STAG3: variants seen among roughly 807,000 people sequenced by gnomAD.
The protein encoded by STAG3 is STAG3 cohesin complex component, also known as cohesin subunit SA-3.
In STAG3, 101 loss-of-function variants were observed where a neutral mutation model predicts 160.7. That is an observed-to-expected ratio of 0.63 (90% CI 0.54 to 0.74). STAG3 has a LOEUF of 0.74. STAG3 is among the 30% of genes least tolerant of loss of function. STAG3 has a pLI of 0.00. For synonymous variants in STAG3, 519 were observed against 585.0 expected, an observed-to-expected ratio of 0.89 and a Z score of 1.63; for missense variants, 1,188 against 1,517.4, an observed-to-expected ratio of 0.78 and a Z score of 3.61.
downstream of STAG3, among the ~76,000 whole-genome samples, chr7:100,217,824 TCTG>T (rs2117660558): frequency 6.6e-6 from 1 of 152,180 alleles, no homozygotes; most frequent in South Asian, 2.1e-4. Context: ...TTTCACTAAT[TCTG>T]CTACTGCCAT....
chr7:100,208,117 GA>G lies in STAG3; in HGVS notation c.3238+2746del, dbSNP rs766770329. Among the ~76,000 whole-genome samples the G allele has an allele frequency of 2.6e-3, 366 of 142,046 alleles. 1 individual carries two copies. Among genetic ancestry groups the G allele is most frequent in the African/African-American group, 6.7e-3 (262 of 38,940 alleles). The allele number at this position is 142,046 out of a possible 152,430, so 93.2% of individuals were successfully genotyped here. A position where few individuals can be genotyped will look rare whatever the true frequency, so the allele number is the denominator to read the frequency against. ...GGCGAAAGAGCGAGATACTGTCTCA[GA>G]AAAAAAAAAAAAGTTATAGTTTTAG... is the stretch of plus-strand genomic sequence containing the variant. On this transcript the variant is annotated intron_variant, in intron 29 of 33. Transcript: ENST00000615138.
chr7:100,210,929 C>A, intron 29 of STAG3, 82 bp from the exon 30 acceptor site: 1 of 1,452,126 alleles, frequency 6.9e-7, no homozygotes, highest in Non-Finnish European at 9.3e-7. Context: ...CTTTCCCTTA[C>A]TAAATCCTGG....
At chr7:100,215,603 A>G (rs568229029), downstream of STAG3, among the ~76,000 whole-genome samples, 9 of 152,286 alleles carry the variant, frequency 5.9e-5, no homozygotes, top group African/African-American at 1.7e-4. Context: ...AATTATTTAA[A>G]TACTAACCAA....
chr7:100,195,435 T>A, intron 9 of STAG3, 53 bp downstream of exon 9: 1 of 1,541,358 alleles, frequency 6.5e-7, no homozygotes, highest in Non-Finnish European at 8.9e-7. Context: ...TTATGGAATC[T>A]GAGGAAGTGA....
intron 5 of STAG3, among the ~76,000 whole-genome samples, chr7:100,186,987 A>G (rs1231220722): frequency 6.6e-6 from 1 of 152,134 alleles, no homozygotes; most frequent in Non-Finnish European, 1.5e-5. Context: ...TGTATTATAT[A>G]AGAAATCAGC....
intron 18 of STAG3, 105 bp from the exon 19 acceptor site, chr7:100,200,664 A>C: frequency 6.5e-7 from 1 of 1,532,948 alleles, no homozygotes. Context: ...TTTCTTAGGC[A>C]TCTTATCCTT....
At chr7:100,181,987 T>G in intron 2 of STAG3, 103 bp from the exon 3 acceptor site, 2 of 678,152 alleles carry the variant, frequency 2.9e-6, no homozygotes, top group East Asian at 2.8e-5. Flanking sequence ...GTTTTTCTCA[T>G]GGAGATGGGG....
At position 100,211,290 on chromosome 7, in the gene STAG3, A is replaced by G. The variant is rs1471337511; in HGVS notation, c.3413+105A>G. ...TGGTTCCCTGCTGTAGCACTCCCAC[A>G]TTGTTGGGTTCTTCTCAAACCCTTC... On this transcript the variant is annotated intron_variant, in intron 30 of 33. Transcript: ENST00000615138. The G allele has an allele frequency of 3.4e-6, 5 of 1,476,726 alleles. No homozygotes were observed. The East Asian group carries it at 1.1e-4, about 34-fold the overall frequency. The allele number at this position is 1,476,726 out of a possible 1,614,324, so 91.5% of individuals were successfully genotyped here. A position where few individuals can be genotyped will look rare whatever the true frequency, so the allele number is the denominator to read the frequency against.
chr7:100,204,493 A>G, intron 26 of STAG3, 134 bp from the exon 27 acceptor site: 1 of 1,108,946 alleles, frequency 9.0e-7, no homozygotes, highest in Non-Finnish European at 1.3e-6. Context: ...GTTCCCTAGA[A>G]GGAAGGAAAG....
chr7:100,202,625 G>A, intron 25 of STAG3, 35 bp downstream of exon 25: 1 of 1,596,450 alleles, frequency 6.3e-7, no homozygotes, highest in South Asian at 1.1e-5. Context: ...AAAGAGAAGG[G>A]AGCAAGTTGA....
In STAG3 at chr7:100,213,815, C is replaced by T. The variant is rs761562926; in HGVS notation, c.3672+9C>T. 1.5e-5 allele frequency: 24 copies of T among 1,614,164 alleles called. No individual in the cohort carries two copies. In the East Asian group the frequency reaches 5.3e-4, roughly 36 times the overall value. ...CAGAGCTGGATATTGAGGTGAGTGT[C>T]CCCAGAGCAGGAGTTATGTATCCTT... is the stretch of plus-strand genomic sequence containing the variant. On this transcript the variant is annotated intron_variant, in intron 33 of 33. Transcript: ENST00000615138.
At chr7:100,198,224 C>A (rs1800821119) in intron 12 of STAG3, 58 bp downstream of exon 12, 12 of 1,503,582 alleles carry the variant, frequency 8.0e-6, no homozygotes, top group Non-Finnish European at 1.1e-5. Context: ...CCAGGGTCAT[C>A]TCCCTCCACC....
At position 100,204,640 on chromosome 7, in the gene STAG3, TG is replaced by T. The variant is rs747788013; in HGVS notation, c.2817del (p.Leu940CysfsTer9). The T allele has an allele frequency of 1.8e-5, 29 of 1,614,156 alleles. No homozygotes were observed. The highest frequency in any genetic ancestry group is 2.4e-5 in the Non-Finnish European group (28 of 1,180,034). The part of the protein sequence containing the change: ...LLSLKQLYTE[L>X]LQEHGPQGLN... ...TCCTGGACACAGCTGTACACAGAAC[TG>T]CTGCAGGAGCATGGGCCCCAGGGCC... On this transcript the variant is annotated frameshift_variant, in exon 27 of 34. Coordinates refer to ENST00000615138, the MANE Select transcript of STAG3 (RefSeq NM_001282717.2). LOFTEE classifies it high-confidence loss of function.
At position 100,186,327 on chromosome 7, in the gene STAG3, C is replaced by A. The variant is rs1311231643; in HGVS notation, c.433+31C>A. On this transcript the variant is annotated intron_variant, in intron 5 of 33. Transcript: ENST00000615138. ...GAAACTGCTCCCCCTTTCTAATTCCCAGCCTTTTGTTCCTATGTTATGAAA... is the reference window on the plus strand; with the variant it reads ...GAAACTGCTCCCCCTTTCTAATTCCAAGCCTTTTGTTCCTATGTTATGAAA... The A allele has an allele frequency of 1.9e-6, 3 of 1,560,032 alleles. No homozygotes were observed. The African/African-American group carries it at 4.1e-5, about 21-fold the overall frequency.
chr7:100,202,645 T>A (rs1801248416), intron 25 of STAG3, 55 bp downstream of exon 25: 1 of 1,583,106 alleles, frequency 6.3e-7, no homozygotes, highest in Non-Finnish European at 8.6e-7. Context: ...AGCACAGCCA[T>A]GACTTGGAAA....
In STAG3 at chr7:100,202,211, C is replaced by T. The variant is rs1801202866; in HGVS notation, c.2434C>T (p.Pro812Ser). The change falls in exon 24 of 34, where the codon CCT becomes TCT. Residue 812 changes from proline to serine, a missense_variant. Physicochemically the swap from Pro to Ser is moderately conservative, Grantham distance 74. Transcript: ENST00000615138. ...AAGTGATCTACTTCTCATCTTTAGCCCTCAGATGATTGTTGGGGGCCGTGA... is the reference window on the plus strand; with the variant it reads ...AAGTGATCTACTTCTCATCTTTAGCTCTCAGATGATTGTTGGGGGCCGTGA... ...LLSDLLLIFS[P>S]QMIVGGRDFL... is the part of the protein sequence containing the mutation. 6 of 1,614,094 alleles carry T rather than the reference C, an allele frequency of 3.7e-6. No homozygotes were observed. Among genetic ancestry groups the T allele is most frequent in the Non-Finnish European group, 3.4e-6 (4 of 1,180,026 alleles).
At chr7:100,210,414 A>G (rs993760416) in intron 29 of STAG3, among the ~76,000 whole-genome samples, 1 of 152,048 alleles carries the variant, frequency 6.6e-6, no homozygotes, top group African/African-American at 2.4e-5. Flanking sequence ...CTCCTCCTCT[A>G]CCTTCTCCAA....
Position 100,182,773 on chromosome 7 carries a change from G to C in STAG3, c.270G>C (p.Arg90=), listed in dbSNP as rs1584652149. 1.2e-6 allele frequency: 2 copies of C among 1,613,754 alleles called. No individual in the cohort carries two copies. Among genetic ancestry groups the C allele is most frequent in the South Asian group, 2.2e-5 (2 of 91,068 alleles). The part of the protein sequence containing the change: ...KGSRVVHRHS[R]KQSEPPANDL... ...CCCGAGTGGTACATCGTCATAGCCG[G>C]AAACAGTCAGAGCCACCAGCCAATG... The change falls in exon 4 of 34, where the codon CGG becomes CGC. Residue 90 remains arginine (R), a synonymous_variant. Transcript: ENST00000615138.
At position 100,211,718 on chromosome 7, in the gene STAG3, C is replaced by A. The variant is rs1802227280; in HGVS notation, c.3519-77C>A. On this transcript the variant is annotated intron_variant, in intron 31 of 33. Transcript: ENST00000615138. Reference sequence around the variant, plus strand: ...TGTACTTACTGCTCCCCACTTCCCCCACCCCGGGTGTCTGAGAAACTCTCA... The same window carrying A: ...TGTACTTACTGCTCCCCACTTCCCCAACCCCGGGTGTCTGAGAAACTCTCA... 14 of 1,518,996 alleles carry A rather than the reference C, an allele frequency of 9.2e-6. 1 individual carries two copies. In the South Asian group the frequency reaches 1.3e-4, roughly 14 times the overall value. The allele number at this position is 1,518,996 out of a possible 1,614,324, so 94.1% of individuals were successfully genotyped here.
Sources: allele counts gnomAD v4.1 joint callset (sites outside exome capture counted in the v4.1 genomes callset), GRCh38; gene constraint gnomAD v4.1.1; transcripts MANE v1.5; gene names NCBI Gene and HGNC (gene_info 2026-07-23, HGNC 2026-07-21).